Variants in CCDC88A observed in about 807,000 individuals in gnomAD.
CCDC88A encodes the protein girdin.
CCDC88A carries 54 observed loss-of-function variants against 234.3 expected under a neutral mutation model. That is an observed-to-expected ratio of 0.23 (90% confidence interval 0.19 to 0.29). The LOEUF is 0.29. CCDC88A is among the 10% of genes least tolerant of loss of function. CCDC88A has a pLI of 1.00. For missense variants in CCDC88A, 1,832 were observed against 2,123.4 expected (o/e 0.86, Z 2.70); for synonymous variants, 753 against 737.8 (o/e 1.02, Z -0.33).
intron 2 of CCDC88A, among the ~76,000 whole-genome samples, chr2:55,390,482 A>C (rs1024692105): frequency 6.6e-6 from 1 of 152,246 alleles, no homozygotes; most frequent in Non-Finnish European, 1.5e-5. Flanking sequence ...AGATTACTCA[A>C]GGGACTAGTT....
intron 5 of CCDC88A, among the ~76,000 whole-genome samples, chr2:55,367,214 C>CATAA (rs1422711967): frequency 6.6e-6 from 1 of 152,046 alleles, no homozygotes; most frequent in African/African-American, 2.4e-5. Flanking sequence ...TTCATAGAGA[C>CATAA]ATAAAGTAAA....
intron 14 of CCDC88A, among the ~76,000 whole-genome samples, chr2:55,336,147 T>C (rs904593895): frequency 1.3e-5 from 2 of 152,188 alleles, no homozygotes; most frequent in Non-Finnish European, 2.9e-5. Context: ...TAAGCTATGA[T>C]TGTGCCACTG....
intron 3 of CCDC88A, among the ~76,000 whole-genome samples, chr2:55,379,511 A>C (rs1674231786): frequency 6.6e-6 from 1 of 152,248 alleles, no homozygotes; most frequent in Non-Finnish European, 1.5e-5. Flanking sequence ...CAGACATTCT[A>C]GACACTGAAA....
chr2:55,412,631 T>C (rs1680685064), intron 2 of CCDC88A, among the ~76,000 whole-genome samples: 1 of 152,202 alleles, frequency 6.6e-6, no homozygotes, highest in South Asian at 2.1e-4. Context: ...CCCCTCAGCC[T>C]TGCTCCATGT....
chr2:55,346,085 A>C, intron 10 of CCDC88A, 90 bp downstream of exon 10: 1 of 840,784 alleles, frequency 1.2e-6, no homozygotes, highest in Non-Finnish European at 1.8e-6. Flanking sequence ...CACCATTTCA[A>C]GAGTTTCTCA....
At chr2:55,406,975 G>T (rs1679698576) in intron 2 of CCDC88A, among the ~76,000 whole-genome samples, 2 of 152,194 alleles carry the variant, frequency 1.3e-5, no homozygotes, top group South Asian at 4.1e-4. Flanking sequence ...GACTCTGGGA[G>T]ACCAAGGCGG....
At position 55,332,826 on chromosome 2, in the gene CCDC88A, C is replaced by T; in HGVS notation, c.2728-133G>A. 1 of 757,094 alleles carries T rather than the reference C, an allele frequency of 1.3e-6. No individual in the cohort carries two copies. The highest frequency in any genetic ancestry group is 2.0e-5 in the South Asian group (1 of 49,026). 46.9% of individuals were successfully genotyped at this position (757,094 alleles called of 1,614,324 possible). Reference sequence around the variant, plus strand: ...ACCAGGAAATGTCATTAAACCATTCCTTCATTATTAAAATGTAGTTAAAGT... The same window carrying T: ...ACCAGGAAATGTCATTAAACCATTCTTTCATTATTAAAATGTAGTTAAAGT... On this transcript the variant is annotated intron_variant, in intron 15 of 32. Coordinates refer to ENST00000436346, the MANE Select transcript of CCDC88A (RefSeq NM_001365480.1). The surrounding 1 kb of genome is among the most constrained non-coding windows in gnomAD (Gnocchi z 4.5).
Position 55,288,427 on chromosome 2 carries a change from T to G in CCDC88A, c.*2773A>C, listed in dbSNP as rs1470432543. ...AAATACAAAAGTCATTTAGTATACA[T>G]TATTACTCCCCATTGTAATTCCAGA... On this transcript the variant is annotated 3_prime_UTR_variant, in exon 33 of 33. Transcript: ENST00000436346. 5 of 152,650 alleles carry G rather than the reference T, an allele frequency of 3.3e-5. No homozygotes were observed. Among genetic ancestry groups the G allele is most frequent in the South Asian group, 4.1e-4 (2 of 4,834 alleles). 9.5% of individuals were successfully genotyped at this position (152,650 alleles called of 1,614,324 possible). A position where few individuals can be genotyped will look rare whatever the true frequency, so the allele number is the denominator to read the frequency against.
At position 55,344,435 on chromosome 2, in the gene CCDC88A, G is replaced by T; in HGVS notation, c.1121C>A (p.Ser374Tyr). 1 of 1,587,040 alleles carries T rather than the reference G, an allele frequency of 6.3e-7. No homozygotes were observed. The highest frequency in any genetic ancestry group is 8.6e-7 in the Non-Finnish European group (1 of 1,162,228). ...EDQLEGTRARSDKLHELEKEN... is the reference protein window; with the variant it reads ...EDQLEGTRARYDKLHELEKEN... ...TTTTTCTAATTCATGTAATTTATCAGAACGAGCACGAGTTCCCTCTAGTTG... is the reference window on the plus strand; with the variant it reads ...TTTTTCTAATTCATGTAATTTATCATAACGAGCACGAGTTCCCTCTAGTTG... The change falls in exon 11 of 33, where the codon TCT becomes TAT. Residue 374 changes from serine (S) to tyrosine (Y), a missense_variant. By Grantham distance (144) the Ser-to-Tyr change is moderately radical. Transcript: ENST00000436346.
At position 55,370,641 on chromosome 2, in the gene CCDC88A, C is replaced by CAA. The variant is rs567431857; in HGVS notation, c.402+1809_402+1810dup. Among the ~76,000 whole-genome samples, 45 of 47,520 alleles carry CAA rather than the reference C, an allele frequency of 9.5e-4. 1 individual carries two copies. Among genetic ancestry groups the CAA allele is most frequent in the African/African-American group, 2.1e-3 (34 of 16,406 alleles). 31.2% of individuals were successfully genotyped at this position (47,520 alleles called of 152,430 possible). ...GGGCAAAAAGAACGAAACTCTGTCT[C>CAA]AAAAAAAAAAAAAAAAAAAAAAAAA... On this transcript the variant is annotated intron_variant, in intron 5 of 32. Transcript: ENST00000436346.
chr2:55,299,978 C>T, intron 28 of CCDC88A, 59 bp from the exon 29 acceptor site: 2 of 1,083,816 alleles, frequency 1.8e-6, no homozygotes, highest in Middle Eastern at 2.0e-4. Context: ...TGCTGATGAG[C>T]TTTTACATTC....
Position 55,384,667 on chromosome 2 carries a change from A to ATTTT in CCDC88A, c.273+4107_273+4110dup, listed in dbSNP as rs1217914653. On this transcript the variant is annotated intron_variant, in intron 3 of 32. Coordinates refer to ENST00000436346, the MANE Select transcript of CCDC88A (RefSeq NM_001365480.1). ...TATATATACATATATATATATATAT[A>ATTTT]TTTTTTAAAGACAGAGTCTCGCTCT... is the stretch of plus-strand genomic sequence containing the variant. 4.8e-3 allele frequency among the ~76,000 whole-genome samples: 28 copies of ATTTT among 5,854 alleles called. 5 individuals carry two copies. Among genetic ancestry groups the ATTTT allele is most frequent in the African/African-American group, 7.0e-3 (16 of 2,290 alleles). 3.8% of individuals were successfully genotyped at this position (5,854 alleles called of 152,430 possible).
intron 3 of CCDC88A, among the ~76,000 whole-genome samples, chr2:55,378,869 C>T (rs907816444): frequency 1.3e-5 from 2 of 151,942 alleles, no homozygotes; most frequent in African/African-American, 4.8e-5. Context: ...CCTCAGCCTC[C>T]CAAATCGCTG....
chr2:55,316,683 T>C (rs918970010), intron 21 of CCDC88A, among the ~76,000 whole-genome samples: 8 of 152,162 alleles, frequency 5.3e-5, no homozygotes, highest in Admixed American at 1.3e-4. Context: ...TGCAGTAAGC[T>C]ATGATCATGC....
Position 55,295,970 on chromosome 2 carries a change from T to C in CCDC88A, c.5178A>G (p.Pro1726=). The C allele has an allele frequency of 6.2e-7, 1 of 1,613,988 alleles. No individual in the cohort carries two copies. Among genetic ancestry groups the C allele is most frequent in the East Asian group, 2.2e-5 (1 of 44,878 alleles). Residue 1726 remains proline (P), a synonymous_variant, in exon 31 of 33, where the codon CCA becomes CCG. Transcript: ENST00000436346. ...VSSDFLGKDK[P]VSCGLARSVS... is the part of the protein sequence containing the mutation. ...CTGACCTGGCCAGACCACAGCTAAC[T>C]GGTTTGTCTTTTCCCAAAAAGTCAG...
intron 25 of CCDC88A, among the ~76,000 whole-genome samples, chr2:55,303,885 T>TA (rs1681205678): frequency 6.6e-6 from 1 of 152,226 alleles, no homozygotes; most frequent in African/African-American, 2.4e-5. Flanking sequence ...TTTAACTTTT[T>TA]AAACATAAGT....
intron 17 of CCDC88A, chr2:55,323,037 G>A (rs764542725): frequency 1.5e-4 from 25 of 163,222 alleles, no homozygotes; most frequent in East Asian, 3.4e-4. Flanking sequence ...AGATGCCTAC[G>A]TAAAGCACAA....
At chr2:55,395,592 A>C (rs927690092) in intron 2 of CCDC88A, among the ~76,000 whole-genome samples, 1 of 152,252 alleles carries the variant, frequency 6.6e-6, no homozygotes, top group African/African-American at 2.4e-5. Context: ...AAATAAAAAT[A>C]AGAATAAACA....
At position 55,339,599 on chromosome 2, in the gene CCDC88A, T is replaced by A; in HGVS notation, c.1383A>T (p.Arg461Ser). The change falls in exon 13 of 33, where the codon AGA becomes AGT. Residue 461 changes from arginine (R) to serine (S), a missense_variant. Transcript: ENST00000436346. The part of the protein sequence containing the change: ...GHEVNELTSS[R>S]LLKLEMENQS... ...GATTTTCCATCTCTAGCTTCAATAA[T>A]CTACTTGATGTCAACTCATTCACCT... The A allele has an allele frequency of 6.2e-7, 1 of 1,613,666 alleles. No homozygotes were observed. Among genetic ancestry groups the A allele is most frequent in the African/African-American group, 1.3e-5 (1 of 75,018 alleles).
Sources: allele counts gnomAD v4.1 joint callset (sites outside exome capture counted in the v4.1 genomes callset), GRCh38; gene constraint gnomAD v4.1.1; non-coding constraint Gnocchi (gnomAD v3.1); transcripts MANE v1.5; gene names NCBI Gene and HGNC (gene_info 2026-07-23, HGNC 2026-07-21).